Variants in NECAB2 observed in about 807,000 individuals in gnomAD.
The protein encoded by NECAB2 is N-terminal EF-hand calcium binding protein 2, also known as N-terminal EF-hand calcium-binding protein 2.
Under a neutral mutation model 51.9 loss-of-function variants are expected in NECAB2, and 68 were observed. The observed-to-expected ratio is 1.31, with a 90% CI of 1.08 to 1.60. The LOEUF is 1.60. Among genes scored for constraint, NECAB2 ranks in the 40% most tolerant of loss-of-function variants. The probability of loss-of-function intolerance (pLI) is 0.00; values close to 1 mark genes in which losing one functional copy is unlikely to be tolerated. For missense variants in NECAB2, 854 were observed against 490.3 expected (o/e 1.74, Z -7.00); for synonymous variants, 329 against 203.5 (o/e 1.62, Z -5.25).
chr16:84,002,230 C>G (rs1460334598), intron 12 of NECAB2, 88 bp from the exon 13 acceptor site: 3 of 1,509,070 alleles, frequency 2.0e-6, no homozygotes, highest in African/African-American at 2.8e-5. Context: ...AAAGCCATCC[C>G]CCGACCTGTC....
rs140565569 is a variant in NECAB2, at chr16:83,978,440, G to A, written c.227-4G>A. 283 of 1,612,648 alleles carry A rather than the reference G, an allele frequency of 1.8e-4. 2 individuals are homozygous for A. In the African/African-American group the frequency reaches 3.5e-3, roughly 20 times the overall value. On this transcript the variant is annotated splice_polypyrimidine_tract_variant and splice_region_variant and intron_variant, in intron 2 of 12. Transcript: ENST00000305202. Reference sequence around the variant, plus strand: ...AGCTCCTTTCTCTGCTTCCTTCCTTGCAGATGATGGGAAGCTGTCCTTGGA... The same window carrying A: ...AGCTCCTTTCTCTGCTTCCTTCCTTACAGATGATGGGAAGCTGTCCTTGGA...
chr16:83,998,760 T>G lies in NECAB2; in HGVS notation c.962+443T>G, dbSNP rs1305347173. On this transcript the variant is annotated intron_variant, in intron 10 of 12. Coordinates refer to ENST00000305202, the MANE Select transcript of NECAB2 (RefSeq NM_019065.3). Reference sequence around the variant, plus strand: ...TAACCACTGAGGAAGGAGAGGAGAGTCGGTAGCTGAAGGGAAATGCCCAAG... The same window carrying G: ...TAACCACTGAGGAAGGAGAGGAGAGGCGGTAGCTGAAGGGAAATGCCCAAG... Among the ~76,000 whole-genome samples, 4 of 151,294 alleles carry G rather than the reference T, an allele frequency of 2.6e-5. No homozygotes were observed. The East Asian group carries it at 5.8e-4, about 22-fold the overall frequency.
At chr16:83,989,749 T>C (rs1351776342) in intron 5 of NECAB2, among the ~76,000 whole-genome samples, 1 of 152,232 alleles carries the variant, frequency 6.6e-6, no homozygotes, top group Non-Finnish European at 1.5e-5. Context: ...CCTTGAGAAA[T>C]GTCCTTGCAG....
intron 8 of NECAB2, among the ~76,000 whole-genome samples, chr16:83,996,168 C>T (rs1287338236): frequency 6.6e-6 from 1 of 152,198 alleles, no homozygotes; most frequent in Non-Finnish European, 1.5e-5. Context: ...AAGAATGGGG[C>T]AGATACAGGG....
chr16:83,987,243 C>A (rs2084568140), intron 5 of NECAB2, among the ~76,000 whole-genome samples: 1 of 152,128 alleles, frequency 6.6e-6, no homozygotes, highest in African/African-American at 2.4e-5. Context: ...TTTGACTATT[C>A]TTTCTAACAG....
At chr16:83,979,528 G>C (rs1441806419) in intron 3 of NECAB2, among the ~76,000 whole-genome samples, 2 of 152,172 alleles carry the variant, frequency 1.3e-5, no homozygotes, top group Admixed American at 6.5e-5. Context: ...ATGGCTTCAG[G>C]CTCCAGACTG....
intron 1 of NECAB2, among the ~76,000 whole-genome samples, chr16:83,969,285 A>C (rs11862333): frequency 0.13 from 19,435 of 150,182 alleles, 1,916 homozygotes; most frequent in African/African-American, 0.28. Context: ...AACAACCCCT[A>C]CCTCTAGCCC....
chr16:83,980,656 G>A (rs1268905436), intron 3 of NECAB2, among the ~76,000 whole-genome samples, 183 bp from the exon 4 acceptor site: 4 of 152,230 alleles, frequency 2.6e-5, no homozygotes, highest in Middle Eastern at 3.4e-3. Flanking sequence ...TCAGACAGAC[G>A]TGGGCCTTCA....
Position 84,002,406 on chromosome 16 carries a change from C to CCT in NECAB2, c.*60_*61insCT, listed in dbSNP as rs34037353. The CCT allele has an allele frequency of 0.19, 293,625 of 1,572,100 alleles. 37,515 individuals carry two copies. Among genetic ancestry groups the CCT allele is most frequent in the African/African-American group, 0.67 (49,512 of 73,556 alleles). ...CCCCTTCTTCTTGTGAAGGAAATCC[C>CCT]GTTTTTTTCTAGACAGACACTTTGG... On this transcript the variant is annotated 3_prime_UTR_variant, in exon 13 of 13. Transcript: ENST00000305202.
chr16:83,976,118 C>T (rs1444344177), intron 2 of NECAB2, among the ~76,000 whole-genome samples: 3 of 152,166 alleles, frequency 2.0e-5, no homozygotes, highest in African/African-American at 7.2e-5. Context: ...GGAGATGAGC[C>T]AGCCAGAGGG....
rs942723229 is a variant in NECAB2 at position 83,968,436 on chromosome 16, C to A, written c.-213C>A. 2.7e-5 allele frequency among the ~76,000 whole-genome samples: 4 copies of A among 147,324 alleles called. No homozygotes were observed. The highest frequency in any genetic ancestry group is 2.0e-4 in the Admixed American group (3 of 14,868). On this transcript the variant is annotated 5_prime_UTR_variant, in exon 1 of 13. Transcript: ENST00000305202. ...GTCCTCAGGCCCCGCGCCCGGCCGG[C>A]GGGGGTGGGGGCGGCGGGGAGCGGG...
chr16:83,981,154 G>GGTCCAGGGC, intron 5 of NECAB2, 27 bp downstream of exon 5: 1 of 1,571,448 alleles, frequency 6.4e-7, no homozygotes, highest in South Asian at 1.1e-5. Flanking sequence ...GGCCCCCGGG[G>GGTCCAGGGC]TCCAGGGCTC....
At chr16:84,001,266 C>T (rs2084827860) in intron 11 of NECAB2, among the ~76,000 whole-genome samples, 1 of 99,806 alleles carries the variant, frequency 1.0e-5, no homozygotes, top group Non-Finnish European at 1.7e-5. Context: ...TTGTCCTCTG[C>T]TCAGCACACA....
chr16:83,999,584 G>C (rs1289907341), intron 10 of NECAB2, among the ~76,000 whole-genome samples: 3 of 152,098 alleles, frequency 2.0e-5, no homozygotes, highest in African/African-American at 7.2e-5. Flanking sequence ...CTCCTCCCCA[G>C]CTTTTGGCCC....
intron 9 of NECAB2, 152 bp downstream of exon 9, chr16:83,997,421 G>A: frequency 2.2e-6 from 2 of 889,626 alleles, no homozygotes; most frequent in South Asian, 1.6e-5. Flanking sequence ...CCCAGACCCT[G>A]CCCTGGCACA....
intron 1 of NECAB2, among the ~76,000 whole-genome samples, chr16:83,970,049 C>T (rs990652583): frequency 6.6e-6 from 1 of 152,164 alleles, no homozygotes; most frequent in Non-Finnish European, 1.5e-5. Context: ...ACCCATGCAG[C>T]CAAACCATCC....
intron 10 of NECAB2, 67 bp downstream of exon 10, chr16:83,998,384 G>A (rs983228708): frequency 3.2e-5 from 46 of 1,458,368 alleles, no homozygotes; most frequent in Non-Finnish European, 4.1e-5. Flanking sequence ...GGAGGAACAG[G>A]GCAGGACTAG....
At chr16:83,990,937 A>G (rs138289617) in intron 6 of NECAB2, among the ~76,000 whole-genome samples, 1 of 152,112 alleles carries the variant, frequency 6.6e-6, no homozygotes, top group Non-Finnish European at 1.5e-5. Context: ...CCACATGCTA[A>G]TTGTTTATGC....
At chr16:84,000,464 C>T (rs947349031) in intron 10 of NECAB2, among the ~76,000 whole-genome samples, 4 of 152,174 alleles carry the variant, frequency 2.6e-5, no homozygotes, top group African/African-American at 9.7e-5. Flanking sequence ...GCCTGGGCAA[C>T]AGAGTGAGAC....
Sources: gnomAD v4.1 joint callset for allele counts (sites outside exome capture counted in the v4.1 genomes callset) on GRCh38, gnomAD v4.1.1 for gene constraint, MANE v1.5 for transcripts, NCBI Gene and HGNC (gene_info 2026-07-23, HGNC 2026-07-21) for gene names.